ZNF385D: variants seen among roughly 807,000 people sequenced by gnomAD.
The protein encoded by ZNF385D is zinc finger protein 659.
Under a neutral mutation model 35.8 loss-of-function variants are expected in ZNF385D, and 15 were observed. That is an observed-to-expected ratio of 0.42 (90% CI 0.28 to 0.64). The LOEUF is 0.64. Among genes scored for constraint, ZNF385D ranks in the 30% least tolerant of loss-of-function variants. The pLI is 0.23. For synonymous variants in ZNF385D, 212 were observed against 186.8 expected, an observed-to-expected ratio of 1.13 and a Z score of -1.10; for missense variants, 474 against 494.6, an observed-to-expected ratio of 0.96 and a Z score of 0.39.
intron 3 of ZNF385D, among the ~76,000 whole-genome samples, chr3:22,162,833 G>C (rs952623874): frequency 1.3e-5 from 2 of 152,186 alleles, no homozygotes; most frequent in Non-Finnish European, 2.9e-5. Context: ...CCTTCAGAGA[G>C]AGAGGACAAT....
chr3:21,602,129 G>A (rs956728640), intron 2 of ZNF385D, among the ~76,000 whole-genome samples: 1 of 152,110 alleles, frequency 6.6e-6, no homozygotes, highest in Non-Finnish European at 1.5e-5. Flanking sequence ...GTGTGCAGGG[G>A]AATTCCCATT....
rs13072271 is a variant in ZNF385D, at chr3:21,735,667, T to A, written c.22+15228A>T. On this transcript the variant is annotated intron_variant, in intron 1 of 7. Transcript: ENST00000281523. ...CATTCCTAATTAGCATATCATTAAG[T>A]GCAGTGATTGACCGCTTTCCTTCAC... 6.0e-3 allele frequency among the ~76,000 whole-genome samples: 917 copies of A among 152,196 alleles called. 6 individuals carry two copies. The highest frequency in any genetic ancestry group is 0.021 in the African/African-American group (857 of 41,532).
At chr3:21,435,677 C>T (rs1701517030) in intron 5 of ZNF385D, among the ~76,000 whole-genome samples, 1 of 152,150 alleles carries the variant, frequency 6.6e-6, no homozygotes, top group Non-Finnish European at 1.5e-5. Flanking sequence ...ACCAAGGATT[C>T]TTGGGAAATA....
At chr3:21,590,195 A>T (rs1402879473) in intron 2 of ZNF385D, among the ~76,000 whole-genome samples, 1 of 152,198 alleles carries the variant, frequency 6.6e-6, no homozygotes, top group East Asian at 1.9e-4. Flanking sequence ...AAATGTGTCA[A>T]CATGGATGGA....
chr3:21,494,999 T>G (rs1325770613), intron 4 of ZNF385D, among the ~76,000 whole-genome samples: 1 of 152,184 alleles, frequency 6.6e-6, no homozygotes, highest in African/African-American at 2.4e-5. Flanking sequence ...TTCAAACAAA[T>G]ATTTTCTACC....
chr3:21,711,038 A>ATTTTTTTTTTTTTTTTTTTTTTTTTT (rs562190313), intron 1 of ZNF385D, among the ~76,000 whole-genome samples: 1 of 55,826 alleles, frequency 1.8e-5, no homozygotes, highest in African/African-American at 7.3e-5. Flanking sequence ...TCCCTCTAAA[A>ATTTTTTTTTTTTTTTTTTTTTTTTTT]GTTTTTTTTT....
chr3:22,238,828 G>A (rs1469974540), intron 2 of ZNF385D, among the ~76,000 whole-genome samples: 1 of 150,730 alleles, frequency 6.6e-6, no homozygotes, highest in African/African-American at 2.5e-5. Context: ...GAACTCCTAG[G>A]TGCAAATGAC....
At chr3:21,779,210 A>G (rs2071402058) in intron 3 of ZNF385D, among the ~76,000 whole-genome samples, 1 of 151,964 alleles carries the variant, frequency 6.6e-6, no homozygotes, top group African/African-American at 2.4e-5. Flanking sequence ...ACCACTGGGC[A>G]TTTCAGGATA....
At chr3:21,846,187 A>G (rs899650549) in intron 3 of ZNF385D, among the ~76,000 whole-genome samples, 4 of 152,030 alleles carry the variant, frequency 2.6e-5, no homozygotes, top group African/African-American at 9.7e-5. Flanking sequence ...ACAGGCCAAC[A>G]TGGTAGAGTG....
intron 7 of ZNF385D, among the ~76,000 whole-genome samples, chr3:21,421,756 T>C (rs949388562): frequency 6.6e-6 from 1 of 152,150 alleles, no homozygotes; most frequent in Non-Finnish European, 1.5e-5. Flanking sequence ...CATGAGAAAA[T>C]ATAGAATATT....
intron 3 of ZNF385D, among the ~76,000 whole-genome samples, chr3:22,116,971 T>C (rs1702844338): frequency 2.0e-5 from 3 of 151,992 alleles, no homozygotes; most frequent in African/African-American, 7.2e-5. Context: ...TTAAAATTTG[T>C]TACCCTCTTT....
At chr3:21,924,801 C>T (rs1041284096) in intron 3 of ZNF385D, among the ~76,000 whole-genome samples, 1 of 152,044 alleles carries the variant, frequency 6.6e-6, no homozygotes, top group African/African-American at 2.4e-5. Flanking sequence ...CTCCCCCTCC[C>T]ACACAAAATT....
chr3:21,797,505 G>A (rs994978400), intron 3 of ZNF385D, among the ~76,000 whole-genome samples: 2 of 152,190 alleles, frequency 1.3e-5, no homozygotes, highest in Admixed American at 6.5e-5. Flanking sequence ...CAAAGGAGTT[G>A]AAAAGTTATG....
intron 2 of ZNF385D, among the ~76,000 whole-genome samples, chr3:21,592,417 T>A (rs1378615838): frequency 6.6e-6 from 1 of 151,850 alleles, no homozygotes; most frequent in Non-Finnish European, 1.5e-5. Context: ...GAGAAACAAG[T>A]TAATGATTGC....
intron 4 of ZNF385D, among the ~76,000 whole-genome samples, chr3:21,475,326 G>C (rs1308309279): frequency 6.6e-6 from 1 of 152,024 alleles, no homozygotes; most frequent in Non-Finnish European, 1.5e-5. Context: ...GAAGGTATCT[G>C]TTTCAAATCT....
chr3:21,431,172 T>A (rs940059618), intron 5 of ZNF385D: 12 of 152,128 alleles, frequency 7.9e-5, no homozygotes, highest in Non-Finnish European at 2.9e-5. Flanking sequence ...TTTCCACTGT[T>A]TTGCACTTGA....
At chr3:21,896,834 TA>T (rs397750655) in intron 3 of ZNF385D, among the ~76,000 whole-genome samples, 4 of 147,106 alleles carry the variant, frequency 2.7e-5, no homozygotes, top group Admixed American at 2.0e-4. Flanking sequence ...TTTTTTTTTT[TA>T]AATGCTTAAA....
intron 3 of ZNF385D, among the ~76,000 whole-genome samples, chr3:21,532,966 G>A (rs2125538815): frequency 6.6e-6 from 1 of 152,266 alleles, no homozygotes; most frequent in East Asian, 1.9e-4. Flanking sequence ...CTTCACACAG[G>A]TCCAGAAATC....
chr3:22,240,870 C>G (rs1699457129), intron 2 of ZNF385D, among the ~76,000 whole-genome samples: 1 of 151,014 alleles, frequency 6.6e-6, no homozygotes, highest in Admixed American at 6.6e-5. Flanking sequence ...GATCTAATCA[C>G]TCTCTTGTCT....
Sources: allele counts gnomAD v4.1 joint callset (sites outside exome capture counted in the v4.1 genomes callset), GRCh38; gene constraint gnomAD v4.1.1; transcripts MANE v1.5; gene names NCBI Gene and HGNC (gene_info 2026-07-23, HGNC 2026-07-21).